The following ZFPM2 variants were observed in gnomAD, a reference collection of about 807,000 sequenced individuals.
ZFPM2 encodes the protein zinc finger protein, FOG family member 2, also known as zinc finger protein ZFPM2.
A neutral mutation model predicts 98.6 loss-of-function variants in ZFPM2; 20 were observed. That is an observed-to-expected ratio of 0.20 (90% CI 0.14 to 0.29). ZFPM2 has a LOEUF of 0.29. Ranked by LOEUF, ZFPM2 falls within the 10% of genes least tolerant of loss-of-function variation. The pLI is 1.00. For synonymous variants in ZFPM2, 518 were observed against 502.7 expected, an observed-to-expected ratio of 1.03 and a Z score of -0.41; for missense variants, 1,310 against 1,388.6, an observed-to-expected ratio of 0.94 and a Z score of 0.90.
At chr8:105,338,429 C>T (rs1812365836) in intron 1 of ZFPM2, among the ~76,000 whole-genome samples, 2 of 151,752 alleles carry the variant, frequency 1.3e-5, no homozygotes, top group African/African-American at 4.8e-5. Flanking sequence ...TTATAATGCT[C>T]TTTTCTGGTC....
intron 4 of ZFPM2, among the ~76,000 whole-genome samples, chr8:105,624,813 A>C (rs2130823268): frequency 6.6e-6 from 1 of 152,310 alleles, no homozygotes; most frequent in Admixed American, 6.5e-5. Context: ...TATACCTCAG[A>C]GATAATGATT....
intron 1 of ZFPM2, among the ~76,000 whole-genome samples, chr8:105,361,776 A>G (rs192810055): frequency 1.2e-3 from 181 of 152,314 alleles, no homozygotes; most frequent in African/African-American, 4.1e-3. Flanking sequence ...TCAGTCAACA[A>G]TGGGCCACAT....
intron 3 of ZFPM2, among the ~76,000 whole-genome samples, chr8:105,511,813 G>T (rs1813823645): frequency 1.3e-5 from 2 of 152,144 alleles, no homozygotes; most frequent in South Asian, 4.1e-4. Context: ...AAACCAGCAA[G>T]CCCATAGTTA....
intron 5 of ZFPM2, among the ~76,000 whole-genome samples, chr8:105,682,876 A>G (rs1382815771): frequency 6.6e-6 from 1 of 152,140 alleles, no homozygotes; most frequent in Non-Finnish European, 1.5e-5. Context: ...GTTCAGTTCA[A>G]TCACTTTGAG....
intron 4 of ZFPM2, among the ~76,000 whole-genome samples, chr8:105,589,167 T>C (rs932226871): frequency 3.3e-5 from 5 of 152,228 alleles, no homozygotes; most frequent in Non-Finnish European, 5.9e-5. Flanking sequence ...TTCCACTTGA[T>C]AATTTACAGG....
At chr8:105,511,921 G>A (rs1813826050) in intron 3 of ZFPM2, among the ~76,000 whole-genome samples, 1 of 152,108 alleles carries the variant, frequency 6.6e-6, no homozygotes, top group Non-Finnish European at 1.5e-5. Flanking sequence ...CAAGGCAGGC[G>A]GATCACCTGA....
chr8:105,621,523 T>C (rs1816546398), intron 4 of ZFPM2, among the ~76,000 whole-genome samples: 1 of 152,172 alleles, frequency 6.6e-6, no homozygotes, highest in Non-Finnish European at 1.5e-5. Flanking sequence ...TTTATTTCTT[T>C]CTCCTGCCTG....
At chr8:105,709,709 T>G (rs2130973116) in intron 5 of ZFPM2, among the ~76,000 whole-genome samples, 1 of 152,254 alleles carries the variant, frequency 6.6e-6, no homozygotes, top group Non-Finnish European at 1.5e-5. Context: ...TTAATAGAAT[T>G]AAGTAAATAA....
chr8:105,498,062 G>C (rs1441443807), intron 3 of ZFPM2, among the ~76,000 whole-genome samples: 4 of 151,390 alleles, frequency 2.6e-5, no homozygotes, highest in Admixed American at 1.3e-4. Flanking sequence ...TCCAGGTGTG[G>C]TGGTACATGC....
rs146645032 is a variant in ZFPM2, at chr8:105,398,429, C to A, written c.41-20715C>A. ...AGAACAAACATTGTGATGGATTTTG[C>A]TAAACGATGATTTTTGTCTTCTCCA... is the stretch of plus-strand genomic sequence containing the variant. On this transcript the variant is annotated intron_variant, in intron 1 of 7. Coordinates refer to ENST00000407775, the MANE Select transcript of ZFPM2 (RefSeq NM_012082.4). Among the ~76,000 whole-genome samples the A allele has an allele frequency of 1.5e-3, 235 of 152,250 alleles. 1 individual carries two copies. Among genetic ancestry groups the A allele is most frequent in the African/African-American group, 5.5e-3 (227 of 41,558 alleles).
chr8:105,648,595 T>C (rs1275193105), intron 5 of ZFPM2, among the ~76,000 whole-genome samples: 4 of 152,240 alleles, frequency 2.6e-5, no homozygotes, highest in African/African-American at 4.8e-5. Flanking sequence ...TTTCCACATA[T>C]GGCTAGCCAG....
intron 1 of ZFPM2, among the ~76,000 whole-genome samples, chr8:105,324,419 C>T (rs1395974458): frequency 1.3e-5 from 2 of 151,750 alleles, no homozygotes; most frequent in Non-Finnish European, 3.0e-5. Context: ...CATGTTATTT[C>T]TGCTAGTTGA....
intron 3 of ZFPM2, among the ~76,000 whole-genome samples, chr8:105,517,185 C>A (rs530727640): frequency 3.3e-5 from 5 of 152,254 alleles, no homozygotes; most frequent in Non-Finnish European, 5.9e-5. Context: ...GGGTTTATAA[C>A]TATTATTACC....
chr8:105,571,033 T>A (rs907324884), intron 4 of ZFPM2, among the ~76,000 whole-genome samples: 40 of 152,226 alleles, frequency 2.6e-4, no homozygotes, highest in African/African-American at 9.6e-4. Flanking sequence ...GGAGGAATTG[T>A]TTATGTCATC....
chr8:105,690,909 A>G (rs1400740699), intron 5 of ZFPM2: 2 of 152,196 alleles, frequency 1.3e-5, no homozygotes, highest in African/African-American at 4.8e-5. Flanking sequence ...TAGAGAGTTA[A>G]GCTCAAGTTA....
intron 5 of ZFPM2, among the ~76,000 whole-genome samples, chr8:105,774,743 C>T (rs1292252941): frequency 6.6e-6 from 1 of 152,066 alleles, no homozygotes; most frequent in African/African-American, 2.4e-5. Flanking sequence ...ATACAAAGCA[C>T]AGAATTTAAC....
intron 3 of ZFPM2, among the ~76,000 whole-genome samples, chr8:105,542,471 T>C (rs1814598468): frequency 6.6e-6 from 1 of 152,292 alleles, no homozygotes; most frequent in South Asian, 2.1e-4. Context: ...AGTTGTCTCT[T>C]GAATAATGAA....
intron 4 of ZFPM2, among the ~76,000 whole-genome samples, chr8:105,594,845 G>A (rs563753891): frequency 5.3e-5 from 8 of 152,136 alleles, no homozygotes; most frequent in Non-Finnish European, 1.2e-4. Context: ...ACTATGCAAA[G>A]GTCTCAGGTT....
At chr8:105,481,190 T>A (rs1813109937) in intron 3 of ZFPM2, among the ~76,000 whole-genome samples, 2 of 149,946 alleles carry the variant, frequency 1.3e-5, no homozygotes, top group African/African-American at 4.9e-5. Flanking sequence ...AGAATATTTC[T>A]AAAAAAAAAA....
Sources: allele counts gnomAD v4.1 joint callset (sites outside exome capture counted in the v4.1 genomes callset), GRCh38; gene constraint gnomAD v4.1.1; transcripts MANE v1.5; gene names NCBI Gene and HGNC (gene_info 2026-07-23, HGNC 2026-07-21).